CHKA: variants seen among roughly 807,000 people sequenced by gnomAD.
The protein encoded by CHKA is choline kinase alpha.
Under a neutral mutation model 60.1 loss-of-function variants are expected in CHKA, and 34 were observed. That is an observed-to-expected ratio of 0.57 (90% confidence interval 0.43 to 0.75). The LOEUF is 0.75. Ranked by LOEUF, CHKA falls within the 30% of genes least tolerant of loss-of-function variation. CHKA has a pLI of 0.00. For synonymous variants in CHKA, 217 were observed against 223.1 expected, an observed-to-expected ratio of 0.97 and a Z score of 0.24; for missense variants, 563 against 561.3, an observed-to-expected ratio of 1.00 and a Z score of -0.03.
intron 1 of CHKA, among the ~76,000 whole-genome samples, chr11:68,116,158 G>C (rs759029611): frequency 6.6e-6 from 1 of 152,176 alleles, no homozygotes; most frequent in Non-Finnish European, 1.5e-5. Flanking sequence ...AATGTCAAAA[G>C]ATGTGTGTGA....
intron 5 of CHKA, 85 bp downstream of exon 5, chr11:68,070,639 C>T: frequency 1.4e-6 from 2 of 1,450,086 alleles, no homozygotes; most frequent in East Asian, 2.3e-5. Context: ...CCTCTGACTA[C>T]TGTGGCAAAC....
chr11:68,086,075 G>C (rs1394754241), intron 2 of CHKA, among the ~76,000 whole-genome samples: 1 of 152,196 alleles, frequency 6.6e-6, no homozygotes, highest in Non-Finnish European at 1.5e-5. Context: ...AACACTTTGG[G>C]AGGCCGAGGC....
chr11:68,106,636 T>A (rs1857925636), intron 1 of CHKA, among the ~76,000 whole-genome samples: 1 of 151,984 alleles, frequency 6.6e-6, no homozygotes, highest in Non-Finnish European at 1.5e-5. Flanking sequence ...GGCCTCCAAG[T>A]CTGTTTTCAC....
At chr11:68,079,199 G>T (rs1474563508) in intron 3 of CHKA, among the ~76,000 whole-genome samples, 1 of 152,174 alleles carries the variant, frequency 6.6e-6, no homozygotes, top group African/African-American at 2.4e-5. Flanking sequence ...CTCCCAAAGT[G>T]CTGGGATTAC....
chr11:68,053,476 G>C lies in CHKA; in HGVS notation c.*512C>G, dbSNP rs2134473072. Reference sequence around the variant, plus strand: ...AAGGAGCAGCTTCTGGAGGCCCCAGGCAGAGGCCACCTTGCAGCAGTGACT... The same window carrying C: ...AAGGAGCAGCTTCTGGAGGCCCCAGCCAGAGGCCACCTTGCAGCAGTGACT... On this transcript the variant is annotated 3_prime_UTR_variant, in exon 12 of 12. Coordinates refer to ENST00000265689, the MANE Select transcript of CHKA (RefSeq NM_001277.3). The C allele has an allele frequency of 6.5e-6, 1 of 153,114 alleles. No homozygotes were observed. The highest frequency in any genetic ancestry group is 1.9e-4 in the East Asian group (1 of 5,194). The allele number at this position is 153,114 out of a possible 1,614,324, so 9.5% of individuals were successfully genotyped here. A position where few individuals can be genotyped will look rare whatever the true frequency, so the allele number is the denominator to read the frequency against.
intron 1 of CHKA, among the ~76,000 whole-genome samples, chr11:68,114,722 AAAGAC>A (rs1273930312): frequency 7.2e-5 from 11 of 152,002 alleles, no homozygotes; most frequent in Non-Finnish European, 1.5e-4. Context: ...AAGAAGAAGA[AAAGAC>A]AAGACAAGAC....
intron 1 of CHKA, among the ~76,000 whole-genome samples, chr11:68,118,891 AGGCT>A (rs1858495737): frequency 6.6e-6 from 1 of 152,362 alleles, no homozygotes; most frequent in African/African-American, 2.4e-5. Flanking sequence ...AAATATCTTA[AGGCT>A]GGATCTAGGG....
chr11:68,084,348 GTATATA>G (rs752168770), intron 2 of CHKA, among the ~76,000 whole-genome samples: 3 of 131,406 alleles, frequency 2.3e-5, no homozygotes, highest in African/African-American at 8.4e-5. Flanking sequence ...ATATATATGT[GTATATA>G]TATATACACA....
At chr11:68,103,008 G>A (rs942343118) in intron 1 of CHKA, among the ~76,000 whole-genome samples, 17 of 151,714 alleles carry the variant, frequency 1.1e-4, no homozygotes, top group East Asian at 1.9e-4. Flanking sequence ...AAATGGTGGC[G>A]TGTGCCTATA....
chr11:68,091,783 T>C (rs998959846), intron 2 of CHKA, among the ~76,000 whole-genome samples: 17 of 152,192 alleles, frequency 1.1e-4, no homozygotes, highest in African/African-American at 4.1e-4. Context: ...CATCTAGTTA[T>C]TTTAAACCAA....
intron 1 of CHKA, among the ~76,000 whole-genome samples, chr11:68,098,332 G>A (rs1315699316): frequency 2.0e-5 from 3 of 151,094 alleles, no homozygotes; most frequent in South Asian, 2.1e-4. Flanking sequence ...TAGGAGCTGC[G>A]TGAGCTGCAA....
At chr11:68,109,270 T>C (rs1449672249) in intron 1 of CHKA, among the ~76,000 whole-genome samples, 1 of 151,942 alleles carries the variant, frequency 6.6e-6, no homozygotes, top group African/African-American at 2.4e-5. Context: ...TTTGTATTTT[T>C]AGTAGAGACG....
At chr11:68,083,911 G>A (rs1470758576) in intron 2 of CHKA, among the ~76,000 whole-genome samples, 1 of 152,052 alleles carries the variant, frequency 6.6e-6, no homozygotes, top group Admixed American at 6.6e-5. Flanking sequence ...TCATGGAAAG[G>A]TAAGAGAATA....
At chr11:68,054,469 C>T (rs546475013) in intron 11 of CHKA, among the ~76,000 whole-genome samples, 1 of 152,234 alleles carries the variant, frequency 6.6e-6, no homozygotes, top group East Asian at 1.9e-4. Context: ...AAGAGGATGC[C>T]CATCGCCTAT....
intron 11 of CHKA, among the ~76,000 whole-genome samples, chr11:68,057,570 C>T (rs751693376): frequency 1.1e-4 from 17 of 152,200 alleles, no homozygotes; most frequent in South Asian, 1.0e-3. Flanking sequence ...CCACCAGCCT[C>T]GGCCTCCCAA....
intron 4 of CHKA, among the ~76,000 whole-genome samples, chr11:68,074,260 G>A (rs935026634): frequency 1.3e-5 from 2 of 152,138 alleles, no homozygotes; most frequent in African/African-American, 4.8e-5. Context: ...CAGCATATGG[G>A]GACAGGAAGA....
chr11:68,111,281 G>A (rs1858127854), intron 1 of CHKA, among the ~76,000 whole-genome samples: 1 of 151,980 alleles, frequency 6.6e-6, no homozygotes, highest in Admixed American at 6.6e-5. Context: ...GCGTGGTGGT[G>A]GGCGCCTGTA....
At chr11:68,106,163 G>A (rs1349036756) in intron 1 of CHKA, among the ~76,000 whole-genome samples, 1 of 152,164 alleles carries the variant, frequency 6.6e-6, no homozygotes, top group African/African-American at 2.4e-5. Flanking sequence ...AAACAGTGCT[G>A]CAGTAAAACA....
chr11:68,058,581 G>A (rs1017052395), intron 11 of CHKA, among the ~76,000 whole-genome samples: 3 of 152,174 alleles, frequency 2.0e-5, no homozygotes, highest in Admixed American at 6.5e-5. Context: ...AAATCCAACT[G>A]ATTTTTGTAT....
Sources: allele counts gnomAD v4.1 joint callset (sites outside exome capture counted in the v4.1 genomes callset), GRCh38; gene constraint gnomAD v4.1.1; transcripts MANE v1.5; gene names NCBI Gene and HGNC (gene_info 2026-07-23, HGNC 2026-07-21).